The following NSMCE2 variants were observed in gnomAD, a reference collection of about 807,000 sequenced individuals.
NSMCE2 encodes E3 SUMO-protein ligase NSE2.
In NSMCE2, 24 loss-of-function variants were observed where a neutral mutation model predicts 23.8. The observed-to-expected ratio is 1.01, with a 90% CI of 0.73 to 1.42. The LOEUF (loss-of-function observed/expected upper bound fraction) is 1.42, where lower values mean the gene tolerates loss of function less well. Among genes scored for constraint, NSMCE2 ranks in the 40% most tolerant of loss-of-function variants. The probability of loss-of-function intolerance (pLI) is 0.00; values close to 1 mark genes in which losing one functional copy is unlikely to be tolerated. For synonymous variants in NSMCE2, 92 were observed against 94.1 expected (o/e 0.98, Z 0.13); for missense variants, 284 against 296.5 (o/e 0.96, Z 0.31).
intron 1 of NSMCE2, among the ~76,000 whole-genome samples, chr8:125,094,808 GGA>G (rs764426636): frequency 6.6e-6 from 1 of 151,574 alleles, no homozygotes; most frequent in East Asian, 1.9e-4. Flanking sequence ...CACATGGTAG[GGA>G]GAGAGAGAGA....
chr8:125,168,701 C>T (rs931154531), intron 4 of NSMCE2, among the ~76,000 whole-genome samples: 2 of 152,226 alleles, frequency 1.3e-5, no homozygotes, highest in African/African-American at 4.8e-5. Context: ...GGCCTCACCT[C>T]CTAATACCAT....
chr8:125,301,129 C>G (rs543037164), intron 5 of NSMCE2, among the ~76,000 whole-genome samples: 1 of 152,152 alleles, frequency 6.6e-6, no homozygotes, highest in African/African-American at 2.4e-5. Flanking sequence ...ATCTATGTGA[C>G]CCATTTAGCC....
chr8:125,200,577 C>A (rs569141544), intron 5 of NSMCE2, among the ~76,000 whole-genome samples: 1 of 124,148 alleles, frequency 8.1e-6, no homozygotes, highest in Admixed American at 7.5e-5. Flanking sequence ...TTGTGGGTAA[C>A]CTGACTTTTC....
intron 5 of NSMCE2, among the ~76,000 whole-genome samples, chr8:125,183,695 G>A (rs974819463): frequency 1.3e-5 from 2 of 151,164 alleles, no homozygotes; most frequent in Non-Finnish European, 2.9e-5. Context: ...GTGATTACCA[G>A]CCTGAGGCCA....
At chr8:125,246,478 G>A (rs978386710) in intron 5 of NSMCE2, among the ~76,000 whole-genome samples, 1 of 151,968 alleles carries the variant, frequency 6.6e-6, no homozygotes, top group Non-Finnish European at 1.5e-5. Context: ...CACCATGCCT[G>A]GCCCCAAAAA....
At chr8:125,206,780 C>T (rs1824134357) in intron 5 of NSMCE2, among the ~76,000 whole-genome samples, 1 of 152,090 alleles carries the variant, frequency 6.6e-6, no homozygotes, top group Non-Finnish European at 1.5e-5. Context: ...AAGTGGTTGG[C>T]AGTGAAAACA....
chr8:125,308,052 G>A (rs189195400), intron 5 of NSMCE2, among the ~76,000 whole-genome samples: 1 of 151,982 alleles, frequency 6.6e-6, no homozygotes, highest in Admixed American at 6.6e-5. Flanking sequence ...GGGTAACAGT[G>A]GCTCCCTGGT....
intron 5 of NSMCE2, among the ~76,000 whole-genome samples, chr8:125,191,141 G>A (rs981678937): frequency 2.6e-5 from 4 of 152,110 alleles, no homozygotes; most frequent in African/African-American, 9.7e-5. Flanking sequence ...CAAAGCACTG[G>A]GATTACAGGT....
chr8:125,117,407 G>A (rs1202163775), intron 3 of NSMCE2, among the ~76,000 whole-genome samples: 2 of 152,078 alleles, frequency 1.3e-5, no homozygotes, highest in Non-Finnish European at 2.9e-5. Context: ...TTGGCTTTTT[G>A]TGTGTTTCCA....
intron 5 of NSMCE2, among the ~76,000 whole-genome samples, chr8:125,183,632 G>A (rs1288378501): frequency 7.5e-6 from 1 of 132,898 alleles, no homozygotes; most frequent in Admixed American, 7.1e-5. Context: ...TTATTACTCA[G>A]TGGTGTGTGT....
At chr8:125,108,575 T>C (rs976041978) in intron 3 of NSMCE2, among the ~76,000 whole-genome samples, 1 of 152,244 alleles carries the variant, frequency 6.6e-6, no homozygotes, top group Non-Finnish European at 1.5e-5. Flanking sequence ...CATAAGATTG[T>C]TGGGACTAAT....
intron 4 of NSMCE2, among the ~76,000 whole-genome samples, chr8:125,159,880 A>G (rs1380614634): frequency 6.6e-6 from 1 of 151,938 alleles, no homozygotes; most frequent in East Asian, 1.9e-4. Context: ...GAATCGCTTG[A>G]ACCCAGGAGG....
At chr8:125,106,136 C>A (rs1429748023) in intron 3 of NSMCE2, among the ~76,000 whole-genome samples, 1 of 151,954 alleles carries the variant, frequency 6.6e-6, no homozygotes, top group African/African-American at 2.4e-5. Context: ...AGTGACTATT[C>A]TGCATATAAT....
intron 5 of NSMCE2, among the ~76,000 whole-genome samples, chr8:125,184,202 T>G (rs1344148786): frequency 6.6e-6 from 1 of 152,202 alleles, no homozygotes. Flanking sequence ...AAATATAAAT[T>G]GTTCCTTCTT....
intron 5 of NSMCE2, among the ~76,000 whole-genome samples, chr8:125,229,661 T>G (rs2130941080): frequency 6.6e-6 from 1 of 152,316 alleles, no homozygotes; most frequent in South Asian, 2.1e-4. Flanking sequence ...AGTCTTATTC[T>G]CAAAATAGAG....
At chr8:125,299,538 A>G (rs751756361) in intron 5 of NSMCE2, among the ~76,000 whole-genome samples, 10 of 152,112 alleles carry the variant, frequency 6.6e-5, no homozygotes, top group African/African-American at 1.4e-4. Context: ...CATGGGGGAA[A>G]CAGCCCCCAT....
intron 5 of NSMCE2, among the ~76,000 whole-genome samples, chr8:125,328,991 A>G (rs1402936504): frequency 6.6e-6 from 1 of 152,202 alleles, no homozygotes; most frequent in Non-Finnish European, 1.5e-5. Context: ...TCTGCAGACC[A>G]AGGAAATGTG....
chr8:125,263,399 C>A (rs1016431419), intron 5 of NSMCE2, among the ~76,000 whole-genome samples: 5 of 152,146 alleles, frequency 3.3e-5, no homozygotes, highest in Admixed American at 3.3e-4. Flanking sequence ...AAGGTTACTT[C>A]TAGCTTCATG....
At chr8:125,325,812 C>T (rs970338008) in intron 5 of NSMCE2, among the ~76,000 whole-genome samples, 1 of 152,126 alleles carries the variant, frequency 6.6e-6, no homozygotes, top group African/African-American at 2.4e-5. Flanking sequence ...GTTAACTGGG[C>T]ATGGTGGCGG....
Sources: gnomAD v4.1 joint callset for allele counts (sites outside exome capture counted in the v4.1 genomes callset) on GRCh38, gnomAD v4.1.1 for gene constraint, MANE v1.5 for transcripts, NCBI Gene and HGNC (gene_info 2026-07-23, HGNC 2026-07-21) for gene names.